Variants in TMEM132D observed in about 807,000 individuals in gnomAD.
The protein encoded by TMEM132D is transmembrane protein 132D.
Under a neutral mutation model 62.3 loss-of-function variants are expected in TMEM132D, and 21 were observed. The ratio of observed to expected loss-of-function variants is 0.34; its 90% CI spans 0.24 to 0.49. The LOEUF is 0.49. TMEM132D is among the 20% of genes least tolerant of loss of function. The pLI is 0.99. For missense variants in TMEM132D, 1,346 were observed against 1,402.8 expected, an observed-to-expected ratio of 0.96 and a Z score of 0.65; for synonymous variants, 621 against 575.6, an observed-to-expected ratio of 1.08 and a Z score of -1.13.
chr12:129,389,344 TACTA>T, intron 3 of TMEM132D, among the ~76,000 whole-genome samples: 1 of 152,010 alleles, frequency 6.6e-6, no homozygotes, highest in East Asian at 1.9e-4. Context: ...CCAATACTAA[TACTA>T]ACACTAACAC....
chr12:129,738,298 G>A (rs1869490892), intron 1 of TMEM132D, among the ~76,000 whole-genome samples: 1 of 151,962 alleles, frequency 6.6e-6, no homozygotes, highest in Non-Finnish European at 1.5e-5. Flanking sequence ...ACATAGAGTG[G>A]ACTCTGTTGC....
intron 2 of TMEM132D, among the ~76,000 whole-genome samples, chr12:129,624,753 G>A (rs1184234478): frequency 1.3e-5 from 2 of 152,112 alleles, no homozygotes; most frequent in African/African-American, 4.8e-5. Flanking sequence ...ACAGGGCAGA[G>A]TGAACCAGAC....
intron 5 of TMEM132D, among the ~76,000 whole-genome samples, chr12:129,156,227 T>G (rs979929529): frequency 1.3e-5 from 2 of 150,026 alleles, no homozygotes; most frequent in Non-Finnish European, 3.0e-5. Flanking sequence ...CCAAGATAAC[T>G]AACCCACTCC....
chr12:129,731,285 C>G (rs1278763127), intron 1 of TMEM132D, among the ~76,000 whole-genome samples: 1 of 152,216 alleles, frequency 6.6e-6, no homozygotes, highest in Non-Finnish European at 1.5e-5. Flanking sequence ...ACGATTACTG[C>G]CCTCTCGAAA....
At position 129,337,808 on chromosome 12, in the gene TMEM132D, G is replaced by A; in HGVS notation, c.1125C>T (p.Gly375=). 6.2e-7 allele frequency: 1 copy of A among 1,608,878 alleles called. No homozygotes were observed. Among genetic ancestry groups the A allele is most frequent in the South Asian group, 1.1e-5 (1 of 90,596 alleles). Residue 375 remains glycine, a synonymous_variant, in exon 4 of 9, where the codon GGC becomes GGT. Transcript: ENST00000422113. The stretch of plus-strand genomic sequence containing the variant: ...CGATCTGCATGACCTCGTAGGAGGC[G>A]CCATCCGCACTGGAGAGAAGACACA... ...KAAGSENSAD[G]ASYEVMQIDV...
chr12:129,684,944 A>G (rs1440123328), intron 2 of TMEM132D, among the ~76,000 whole-genome samples: 1 of 152,122 alleles, frequency 6.6e-6, no homozygotes. Flanking sequence ...GGGTATCTGG[A>G]AGAAGAAATT....
chr12:129,890,231 T>A lies in TMEM132D; in HGVS notation c.79+13030A>T, dbSNP rs1436489530. On this transcript the variant is annotated intron_variant, in intron 1 of 8. Coordinates refer to ENST00000422113, the MANE Select transcript of TMEM132D (RefSeq NM_133448.3). ...GCCTAGGTCCTGTTGAGCAGGTGCA[T>A]CCATCTGGAACTTGGCGCAGGGCAG... is the stretch of plus-strand genomic sequence containing the variant. 2.0e-5 allele frequency among the ~76,000 whole-genome samples: 3 copies of A among 152,180 alleles called. No individual in the cohort carries two copies. The South Asian group carries it at 6.2e-4, about 32-fold the overall frequency.
At chr12:129,158,028 C>T (rs1033846602) in intron 5 of TMEM132D, among the ~76,000 whole-genome samples, 1 of 152,112 alleles carries the variant, frequency 6.6e-6, no homozygotes, top group South Asian at 2.1e-4. Context: ...GCACCTGGTG[C>T]TGACAGAGGG....
At position 129,566,264 on chromosome 12, in the gene TMEM132D, C is replaced by T. The variant is rs1351637653; in HGVS notation, c.969-35059G>A. The stretch of plus-strand genomic sequence containing the variant: ...CAATGATCAAATTACAGGTTGAAGG[C>T]AGAAATCAGAATTTTGGAAAACTGG... On this transcript the variant is annotated intron_variant, in intron 2 of 8. Transcript: ENST00000422113. Among the ~76,000 whole-genome samples, 5 of 152,266 alleles carry T rather than the reference C, an allele frequency of 3.3e-5. No individual in the cohort carries two copies. In the East Asian group the frequency reaches 9.7e-4, roughly 29 times the overall value.
At position 129,858,898 on chromosome 12, in the gene TMEM132D, G is replaced by T. The variant is rs532235318; in HGVS notation, c.79+44363C>A. ...ACGGGATGGGTGCCCTTATAACAGA[G>T]TCCGGGGGATGGGATGGCTGCCCTT... is the stretch of plus-strand genomic sequence containing the variant. On this transcript the variant is annotated intron_variant, in intron 1 of 8. Transcript: ENST00000422113. 3.7e-4 allele frequency among the ~76,000 whole-genome samples: 49 copies of T among 132,368 alleles called. No individual in the cohort carries two copies. The South Asian group carries it at 4.9e-3, about 13-fold the overall frequency. 86.8% of individuals were successfully genotyped at this position (132,368 alleles called of 152,430 possible). A position where few individuals can be genotyped will look rare whatever the true frequency, so the allele number is the denominator to read the frequency against.
Position 129,081,794 on chromosome 12 carries a change from G to C in TMEM132D, c.1888C>G (p.Leu630Val). 1 of 1,612,330 alleles carries C rather than the reference G, an allele frequency of 6.2e-7. No individual in the cohort carries two copies. Among genetic ancestry groups the C allele is most frequent in the East Asian group, 2.2e-5 (1 of 44,796 alleles). Residue 630 changes from leucine to valine, a missense_variant, in exon 7 of 9, where the codon CTG becomes GTG. Physicochemically the swap from Leu to Val is conservative, Grantham distance 32. Transcript: ENST00000422113. ...RIAKLQGGQILMGQELGMTTI... is the reference protein window; with the variant it reads ...RIAKLQGGQIVMGQELGMTTI... ...GTCATCCCAAGCTCCTGCCCCATCA[G>C]GATCTGTCCGCCTTGCAGCTTGGCG...
At chr12:129,110,266 T>C (rs1312727304) in intron 5 of TMEM132D, 2 of 152,334 alleles carry the variant, frequency 1.3e-5, no homozygotes, top group East Asian at 3.9e-4. Context: ...TCATAGATTC[T>C]GAGGATTCCC....
At chr12:129,327,589 T>C (rs1430348444) in intron 4 of TMEM132D, among the ~76,000 whole-genome samples, 1 of 152,210 alleles carries the variant, frequency 6.6e-6, no homozygotes, top group African/African-American at 2.4e-5. Flanking sequence ...GACTCACATT[T>C]GCTCTCTGCT....
rs557119403 is a variant in TMEM132D, at chr12:129,513,958, C to A, written c.1115+17101G>T. Among the ~76,000 whole-genome samples, 18 of 151,714 alleles carry A rather than the reference C, an allele frequency of 1.2e-4. 1 individual carries two copies. In the South Asian group the frequency reaches 3.7e-3, roughly 32 times the overall value. On this transcript the variant is annotated intron_variant, in intron 3 of 8. Coordinates refer to ENST00000422113, the MANE Select transcript of TMEM132D (RefSeq NM_133448.3). ...GTTTGTGCCATTCTCCTGCCTCAGC[C>A]TCCCGAGTAGCTGGGACTACAGGCG...
intron 5 of TMEM132D, among the ~76,000 whole-genome samples, chr12:129,176,290 A>G (rs1259761061): frequency 2.0e-5 from 3 of 152,306 alleles, no homozygotes; most frequent in East Asian, 3.9e-4. Flanking sequence ...CTCCCTGTAT[A>G]TCCCACCCCC....
At chr12:129,730,713 A>G (rs1299232534) in intron 1 of TMEM132D, among the ~76,000 whole-genome samples, 1 of 140,550 alleles carries the variant, frequency 7.1e-6, no homozygotes, top group Non-Finnish European at 1.6e-5. Context: ...GGCACCATCT[A>G]ATCAGCTGCC....
chr12:129,507,507 A>C (rs1375077243), intron 3 of TMEM132D, among the ~76,000 whole-genome samples: 2 of 152,216 alleles, frequency 1.3e-5, no homozygotes, highest in Non-Finnish European at 2.9e-5. Context: ...TTGCACATAA[A>C]TATAATGAAA....
chr12:129,655,499 G>A (rs1005982868), intron 2 of TMEM132D, among the ~76,000 whole-genome samples: 14 of 150,626 alleles, frequency 9.3e-5, no homozygotes, highest in East Asian at 5.9e-4. Flanking sequence ...TGCCTGCCTC[G>A]GCCTCTCAAA....
At chr12:129,820,399 T>G (rs1296444655) in intron 1 of TMEM132D, among the ~76,000 whole-genome samples, 2 of 152,220 alleles carry the variant, frequency 1.3e-5, no homozygotes, top group East Asian at 3.9e-4. Context: ...GTTATTCGAG[T>G]CTGGCAGAGC....
Sources: allele counts gnomAD v4.1 joint callset (sites outside exome capture counted in the v4.1 genomes callset), GRCh38; gene constraint gnomAD v4.1.1; transcripts MANE v1.5; gene names NCBI Gene and HGNC (gene_info 2026-07-23, HGNC 2026-07-21).